The following SEMA3A variants were observed in gnomAD, a reference collection of about 807,000 sequenced individuals.
SEMA3A encodes the protein semaphorin-3A.
Under a neutral mutation model 97.9 loss-of-function variants are expected in SEMA3A, and 29 were observed. The ratio of observed to expected loss-of-function variants is 0.30; its 90% CI spans 0.22 to 0.40. SEMA3A has a LOEUF of 0.40. SEMA3A is among the 10% of genes least tolerant of loss of function. The pLI is 1.00. For missense variants in SEMA3A, 763 were observed against 951.3 expected (o/e 0.80, Z 2.60); for synonymous variants, 321 against 323.7 (o/e 0.99, Z 0.09).
intron 3 of SEMA3A, among the ~76,000 whole-genome samples, chr7:84,201,715 C>A (rs1217161201): frequency 3.3e-5 from 5 of 152,072 alleles, no homozygotes; most frequent in Non-Finnish European, 5.9e-5. Flanking sequence ...AATCAATCAA[C>A]ATAAATTCAT....
Position 83,979,050 on chromosome 7 carries a change from T to C in SEMA3A, c.1653-1854A>G, listed in dbSNP as rs561010361. 3.9e-5 allele frequency among the ~76,000 whole-genome samples: 6 copies of C among 152,212 alleles called. No individual in the cohort carries two copies. In the South Asian group the frequency reaches 1.2e-3, roughly 32 times the overall value. On this transcript the variant is annotated intron_variant, in intron 14 of 16. Coordinates refer to ENST00000265362, the MANE Select transcript of SEMA3A (RefSeq NM_006080.3). ...TATTAAGAAGAGCTTAAAATTCAAATAGATTATTACTAAATTAGGTAATAT... is the reference window on the plus strand; with the variant it reads ...TATTAAGAAGAGCTTAAAATTCAAACAGATTATTACTAAATTAGGTAATAT...
chr7:84,199,239 GA>G (rs1376139153), upstream of SEMA3A, among the ~76,000 whole-genome samples: 3 of 152,108 alleles, frequency 2.0e-5, no homozygotes, highest in Non-Finnish European at 4.4e-5. Context: ...GTATTTCAAA[GA>G]TTTAGTGGAC....
In SEMA3A at chr7:83,963,253, C is replaced by A. The variant is rs76198750; in HGVS notation, c.1812G>T (p.Ala604=). Residue 604 remains alanine, a synonymous_variant, in exon 16 of 17, where the codon GCG becomes GCT. Transcript: ENST00000265362. ...GCCTCTGGAATTGCCAATAGACCAG[C>A]GCTCTCTGCGACTTCGGACTGCATT... ...FLECSPKSQR[A]LVYWQFQRRN... 6.2e-7 allele frequency: 1 copy of A among 1,613,604 alleles called. No homozygotes were observed. The highest frequency in any genetic ancestry group is 8.5e-7 in the Non-Finnish European group (1 of 1,179,990).
chr7:84,054,173 A>C (rs975552118), intron 5 of SEMA3A, among the ~76,000 whole-genome samples: 7 of 152,198 alleles, frequency 4.6e-5, no homozygotes, highest in African/African-American at 1.7e-4. Context: ...ACTTTGGTGA[A>C]TCTGACAATT....
intron 2 of SEMA3A, among the ~76,000 whole-genome samples, chr7:84,355,967 C>T (rs998260065): frequency 1.3e-5 from 2 of 151,726 alleles, no homozygotes; most frequent in South Asian, 2.1e-4. Flanking sequence ...ATATCGTATA[C>T]TGAAAGGAAA....
chr7:84,133,809 G>A (rs1162217674), intron 2 of SEMA3A, among the ~76,000 whole-genome samples: 2 of 148,882 alleles, frequency 1.3e-5, no homozygotes, highest in Non-Finnish European at 3.0e-5. Flanking sequence ...CCAGCACTTT[G>A]AGAGGCCAAG....
At chr7:84,185,738 A>G (rs1797861633) in intron 1 of SEMA3A, among the ~76,000 whole-genome samples, 1 of 150,664 alleles carries the variant, frequency 6.6e-6, no homozygotes, top group African/African-American at 2.4e-5. Flanking sequence ...AGTTAATTCT[A>G]AAAACATGAA....
intron 3 of SEMA3A, among the ~76,000 whole-genome samples, chr7:84,256,840 T>G (rs1422401158): frequency 6.6e-6 from 1 of 152,094 alleles, no homozygotes; most frequent in Non-Finnish European, 1.5e-5. Context: ...GAAACTTGAT[T>G]GTGATGGCCA....
intron 3 of SEMA3A, among the ~76,000 whole-genome samples, chr7:84,232,873 T>C (rs114721931): frequency 0.032 from 4,868 of 152,062 alleles, 91 homozygotes; most frequent in South Asian, 0.046. Flanking sequence ...CAAAGATTCT[T>C]CCCATGAGTC....
At chr7:84,424,591 AAT>A (rs1417080027) in intron 1 of SEMA3A, among the ~76,000 whole-genome samples, 1 of 75,120 alleles carries the variant, frequency 1.3e-5, no homozygotes, top group Non-Finnish European at 2.1e-5. Context: ...TATTATATAT[AAT>A]ATATAAATAT....
At chr7:84,111,177 T>C (rs1443269305) in intron 3 of SEMA3A, among the ~76,000 whole-genome samples, 1 of 152,196 alleles carries the variant, frequency 6.6e-6, no homozygotes, top group Non-Finnish European at 1.5e-5. Context: ...TCTTATCTAC[T>C]TTCTTTTTTC....
intron 6 of SEMA3A, among the ~76,000 whole-genome samples, chr7:84,019,600 C>T (rs1791245877): frequency 6.6e-6 from 1 of 152,080 alleles, no homozygotes; most frequent in Non-Finnish European, 1.5e-5. Flanking sequence ...ACACTGTATG[C>T]TCTAGAGTCT....
intron 4 of SEMA3A, among the ~76,000 whole-genome samples, chr7:84,078,206 TG>T (rs1316831418): frequency 1.3e-5 from 2 of 152,082 alleles, no homozygotes; most frequent in African/African-American, 4.8e-5. Context: ...TATCCCATTA[TG>T]TAAGTCCTTA....
chr7:84,247,878 G>T lies in SEMA3A; in HGVS notation c.-82-53210C>A, dbSNP rs373826659. 5.9e-5 allele frequency among the ~76,000 whole-genome samples: 9 copies of T among 152,260 alleles called. 1 individual carries two copies. The highest frequency in any genetic ancestry group is 1.3e-4 in the Admixed American group (2 of 15,292). ...ACTCAGTGTTTAGAAGGTAAAATAT[G>T]TGATAAGTTTAAATTATTTCTTCAA... is the stretch of plus-strand genomic sequence containing the variant. On this transcript the variant is annotated intron_variant, in intron 3 of 3. Coordinates refer to the SEMA3A transcript ENST00000424555.
chr7:84,005,056 G>T (rs554767002), intron 11 of SEMA3A, among the ~76,000 whole-genome samples: 1 of 152,136 alleles, frequency 6.6e-6, no homozygotes, highest in South Asian at 2.1e-4. Context: ...ATAATTTTCA[G>T]AACACTTCCT....
At chr7:84,387,900 G>A (rs1261315337) in intron 1 of SEMA3A, among the ~76,000 whole-genome samples, 1 of 152,114 alleles carries the variant, frequency 6.6e-6, no homozygotes, top group Non-Finnish European at 1.5e-5. Flanking sequence ...ATTAGATGTT[G>A]CTCTTCGGGG....
At chr7:84,382,849 G>A (rs1006266336) in intron 1 of SEMA3A, among the ~76,000 whole-genome samples, 1 of 151,998 alleles carries the variant, frequency 6.6e-6, no homozygotes, top group Non-Finnish European at 1.5e-5. Flanking sequence ...CTGCACTCCA[G>A]CCTGGGTGAC....
chr7:84,066,099 T>A (rs971008442), intron 4 of SEMA3A, among the ~76,000 whole-genome samples: 1 of 151,538 alleles, frequency 6.6e-6, no homozygotes, highest in African/African-American at 2.4e-5. Flanking sequence ...ATCCCTGGGA[T>A]GCAAGGCTGG....
Position 83,994,292 on chromosome 7 carries a change from G to A in SEMA3A, c.1452+7663C>T, listed in dbSNP as rs1293044500. 2.0e-4 allele frequency among the ~76,000 whole-genome samples: 22 copies of A among 110,534 alleles called. 2 individuals are homozygous for A. The highest frequency in any genetic ancestry group is 7.8e-4 in the South Asian group (2 of 2,574). The allele number at this position is 110,534 out of a possible 152,430, so 72.5% of individuals were successfully genotyped here. A position where few individuals can be genotyped will look rare whatever the true frequency, so the allele number is the denominator to read the frequency against. ...TCCCGTAGCTCAGAGTAATTTGATC[G>A]TCTGAAGCCTTCTTCTCTCAGCTCA... On this transcript the variant is annotated intron_variant, in intron 12 of 16. Transcript: ENST00000265362.
Sources: gnomAD v4.1 joint callset for allele counts (sites outside exome capture counted in the v4.1 genomes callset) on GRCh38, gnomAD v4.1.1 for gene constraint, MANE v1.5 for transcripts, NCBI Gene and HGNC (gene_info 2026-07-23, HGNC 2026-07-21) for gene names.